Variants in FBXO10 observed in about 807,000 individuals in gnomAD.
The protein encoded by FBXO10 is F-box only protein 10.
FBXO10 carries 39 observed loss-of-function variants against 80.7 expected under a neutral mutation model. The ratio of observed to expected loss-of-function variants is 0.48; its 90% confidence interval spans 0.37 to 0.63. FBXO10 has a LOEUF of 0.63. Among genes scored for constraint, FBXO10 ranks in the 30% least tolerant of loss-of-function variants. The pLI is 0.00. For missense variants in FBXO10, 1,025 were observed against 1,269.0 expected, an observed-to-expected ratio of 0.81 and a Z score of 2.92; for synonymous variants, 449 against 489.6, an observed-to-expected ratio of 0.92 and a Z score of 1.09.
At chr9:37,540,192 A>AT (rs1271290561) in intron 2 of FBXO10, among the ~76,000 whole-genome samples, 5,174 of 147,286 alleles carry the variant, frequency 0.035, 278 homozygotes, top group African/African-American at 0.12. Flanking sequence ...TATATATATG[A>AT]TTTTTTTTTT....
At chr9:37,554,510 T>C (rs1231284080) in intron 1 of FBXO10, among the ~76,000 whole-genome samples, 1 of 152,174 alleles carries the variant, frequency 6.6e-6, no homozygotes. Context: ...TACAACCCCC[T>C]ACCAAGAAAT....
At chr9:37,548,316 C>T (rs780493399) in intron 1 of FBXO10, among the ~76,000 whole-genome samples, 12 of 151,644 alleles carry the variant, frequency 7.9e-5, no homozygotes, top group Non-Finnish European at 1.5e-4. Context: ...ACCCGGGAGG[C>T]GGAGGTTGCA....
intron 4 of FBXO10, among the ~76,000 whole-genome samples, chr9:37,531,226 C>T (rs1821614279): frequency 6.6e-6 from 1 of 152,000 alleles, no homozygotes; most frequent in Non-Finnish European, 1.5e-5. Flanking sequence ...TTTTCAAGCC[C>T]ATAAAAAGTC....
chr9:37,520,795 T>C (rs1821321591), intron 8 of FBXO10, among the ~76,000 whole-genome samples: 1 of 152,212 alleles, frequency 6.6e-6, no homozygotes, highest in Non-Finnish European at 1.5e-5. Flanking sequence ...TTGAGAAATG[T>C]ATCCTAGAGT....
rs1433451475 is a variant in FBXO10 at position 37,537,411 on chromosome 9, C to T, written c.1118G>A (p.Arg373Lys). The change falls in exon 3 of 11, where the codon AGA (arginine) becomes AAA (lysine). Residue 373 changes from arginine to lysine, a missense_variant. This residue lies in a region of FBXO10 where 450 missense variants were observed against 499.4 expected (regional missense o/e 0.90). Transcript: ENST00000432825. ...EDEDEDQLMYRLSYQVQGPRP... is the reference protein window; with the variant it reads ...EDEDEDQLMYKLSYQVQGPRP... ...TGGGCCCTGCACTTGGTAGGATAGT[C>T]TGTACATCAGCTGGTCCTCATCTTC... 3.8e-6 allele frequency: 6 copies of T among 1,598,994 alleles called. No individual in the cohort carries two copies. The Admixed American group carries it at 5.2e-5, about 14-fold the overall frequency.
chr9:37,520,718 CCTCT>C (rs1158388904), intron 8 of FBXO10, among the ~76,000 whole-genome samples: 5 of 152,050 alleles, frequency 3.3e-5, no homozygotes, highest in Non-Finnish European at 7.4e-5. Flanking sequence ...TTATTTTCTG[CCTCT>C]CTAAGAAGGA....
intron 1 of FBXO10, among the ~76,000 whole-genome samples, chr9:37,571,336 T>C (rs1822751247): frequency 6.6e-6 from 1 of 152,164 alleles, no homozygotes; most frequent in Non-Finnish European, 1.5e-5. Flanking sequence ...TTTCCCAGGA[T>C]TTGTGACTAA....
At chr9:37,553,158 C>T (rs1054913163) in intron 1 of FBXO10, among the ~76,000 whole-genome samples, 1 of 152,078 alleles carries the variant, frequency 6.6e-6, no homozygotes, top group Admixed American at 6.6e-5. Flanking sequence ...TCTCCTGCCT[C>T]AGCCTCCCGA....
intron 1 of FBXO10, among the ~76,000 whole-genome samples, chr9:37,557,723 TG>T (rs1368469526): frequency 6.6e-6 from 1 of 151,976 alleles, no homozygotes; most frequent in Admixed American, 6.5e-5. Flanking sequence ...TGTCCCCACA[TG>T]GTTTACATTT....
chr9:37,559,754 G>T (rs768456820), intron 1 of FBXO10, among the ~76,000 whole-genome samples: 5 of 152,230 alleles, frequency 3.3e-5, no homozygotes, highest in Admixed American at 6.5e-5. Context: ...GCTTTTCTCT[G>T]TGGCACAGCA....
At chr9:37,534,056 G>A (rs1821694295) in intron 3 of FBXO10, among the ~76,000 whole-genome samples, 1 of 151,964 alleles carries the variant, frequency 6.6e-6, no homozygotes, top group Admixed American at 6.6e-5. Flanking sequence ...GAGCATCTGT[G>A]GATTTTAGTA....
intron 1 of FBXO10, among the ~76,000 whole-genome samples, chr9:37,550,169 G>GTT (rs74171511): frequency 0.01 from 701 of 67,850 alleles, 161 homozygotes; most frequent in East Asian, 0.024. Context: ...GTCGTCTCAG[G>GTT]TTTTTTTTTT....
intron 3 of FBXO10, among the ~76,000 whole-genome samples, chr9:37,536,845 A>G (rs1485095338): frequency 6.6e-6 from 1 of 152,086 alleles, no homozygotes; most frequent in Non-Finnish European, 1.5e-5. Flanking sequence ...CATAGTGAAA[A>G]GAGGCAGGAG....
At chr9:37,574,265 C>T (rs184759552) in intron 1 of FBXO10, among the ~76,000 whole-genome samples, 5 of 152,078 alleles carry the variant, frequency 3.3e-5, no homozygotes, top group Admixed American at 6.5e-5. Flanking sequence ...CACCAATGCA[C>T]GTTTATTGAA....
At chr9:37,525,279 A>G in intron 5 of FBXO10, 107 bp from the exon 6 acceptor site, 1 of 1,116,554 alleles carries the variant, frequency 9.0e-7, no homozygotes, top group East Asian at 2.6e-5. Context: ...AAAAAATACA[A>G]AAAAATTAGC....
chr9:37,553,099 T>A (rs1164558810), intron 1 of FBXO10, among the ~76,000 whole-genome samples: 2 of 151,826 alleles, frequency 1.3e-5, no homozygotes, highest in Non-Finnish European at 2.9e-5. Flanking sequence ...TGGAGTGTAG[T>A]GGTGCAATCT....
intron 1 of FBXO10, among the ~76,000 whole-genome samples, chr9:37,567,218 C>A (rs7043428): frequency 0.019 from 2,879 of 150,832 alleles, 87 homozygotes; most frequent in African/African-American, 0.066. Context: ...TCTTGGCTCA[C>A]TACAGCCTCA....
intron 6 of FBXO10, among the ~76,000 whole-genome samples, chr9:37,523,288 G>T (rs1232801178): frequency 6.6e-6 from 1 of 152,186 alleles, no homozygotes; most frequent in East Asian, 1.9e-4. Flanking sequence ...GGTGGCTCAT[G>T]CCTGTAATCC....
At chr9:37,532,381 A>G (rs1230919782) in intron 3 of FBXO10, among the ~76,000 whole-genome samples, 1 of 150,596 alleles carries the variant, frequency 6.6e-6, no homozygotes, top group Non-Finnish European at 1.5e-5. Context: ...GCTTACTGCA[A>G]GCTCCGCCTC....
Sources: gnomAD v4.1 joint callset for allele counts (sites outside exome capture counted in the v4.1 genomes callset) on GRCh38, gnomAD v4.1.1 for gene constraint, gnomAD v4.1.1 regional missense constraint, MANE v1.5 for transcripts, NCBI Gene and HGNC (gene_info 2026-07-23, HGNC 2026-07-21) for gene names.